Variants in POU6F2 observed in about 807,000 individuals in gnomAD.
POU6F2 encodes the protein POU class 6 homeobox 2.
A neutral mutation model predicts 71.3 loss-of-function variants in POU6F2; 31 were observed. The observed-to-expected ratio is 0.43, with a 90% CI of 0.33 to 0.59. POU6F2 has a LOEUF of 0.59. POU6F2 is among the 20% of genes least tolerant of loss of function. The pLI is 0.04. For missense variants in POU6F2, 783 were observed against 856.8 expected (o/e 0.91, Z 1.07); for synonymous variants, 347 against 355.7 (o/e 0.98, Z 0.27).
intron 1 of POU6F2, among the ~76,000 whole-genome samples, chr7:39,057,940 T>C (rs1406278868): frequency 6.6e-6 from 1 of 152,190 alleles, no homozygotes; most frequent in Non-Finnish European, 1.5e-5. Context: ...AGTTCAATAC[T>C]GTCTCCTGCT....
intron 1 of POU6F2, among the ~76,000 whole-genome samples, chr7:39,015,765 AT>A (rs1447455264): frequency 2.3e-5 from 2 of 87,060 alleles, no homozygotes; most frequent in African/African-American, 1.3e-4. Flanking sequence ...ATATAGATAT[AT>A]TATATATATT....
intron 2 of POU6F2, among the ~76,000 whole-genome samples, chr7:39,134,095 C>T (rs537828862): frequency 2.0e-5 from 3 of 152,204 alleles, no homozygotes; most frequent in Admixed American, 2.0e-4. Context: ...AGGCTGGTTT[C>T]AAACTCCTGG....
intron 4 of POU6F2, among the ~76,000 whole-genome samples, chr7:39,232,312 T>C (rs1325084920): frequency 6.6e-6 from 1 of 151,736 alleles, no homozygotes; most frequent in Non-Finnish European, 1.5e-5. Flanking sequence ...AACAAAAGGT[T>C]TTTAGGAAAA....
chr7:39,296,872 G>A (rs1030964432), intron 4 of POU6F2, among the ~76,000 whole-genome samples: 7 of 152,124 alleles, frequency 4.6e-5, no homozygotes, highest in African/African-American at 1.2e-4. Flanking sequence ...ATGAATGAAC[G>A]AATCAATGAA....
intron 1 of POU6F2, among the ~76,000 whole-genome samples, chr7:38,978,682 C>CA (rs1343603447): frequency 1.1e-4 from 17 of 152,162 alleles, no homozygotes; most frequent in African/African-American, 4.1e-4. Flanking sequence ...CTTCCTAATG[C>CA]AATCCAGCAC....
chr7:38,999,952 T>C (rs1302808439), intron 1 of POU6F2, among the ~76,000 whole-genome samples: 1 of 152,230 alleles, frequency 6.6e-6, no homozygotes, highest in Non-Finnish European at 1.5e-5. Context: ...GAAATGTACT[T>C]GCTTTTTTCC....
intron 4 of POU6F2, among the ~76,000 whole-genome samples, chr7:39,306,240 A>G (rs531881331): frequency 1.1e-4 from 17 of 152,382 alleles, no homozygotes; most frequent in East Asian, 5.8e-4. Context: ...AAAAGCAGCT[A>G]TTATGGATGA....
At chr7:39,120,479 C>T (rs1792018943) in intron 2 of POU6F2, among the ~76,000 whole-genome samples, 1 of 152,068 alleles carries the variant, frequency 6.6e-6, no homozygotes, top group Non-Finnish European at 1.5e-5. Context: ...AATATGTCAA[C>T]CTGTTGAGCA....
intron 4 of POU6F2, among the ~76,000 whole-genome samples, chr7:39,226,454 A>G (rs973061339): frequency 1.3e-5 from 2 of 152,210 alleles, no homozygotes; most frequent in Non-Finnish European, 1.5e-5. Context: ...AGAACATCAA[A>G]TGCTCACAAA....
intron 1 of POU6F2, among the ~76,000 whole-genome samples, chr7:38,992,006 C>A (rs905278370): frequency 4.6e-5 from 7 of 152,060 alleles, no homozygotes; most frequent in African/African-American, 1.7e-4. Flanking sequence ...TGCTAGAGAC[C>A]ACACAGGTTG....
chr7:39,122,809 G>A (rs1299501588), intron 2 of POU6F2, among the ~76,000 whole-genome samples: 3 of 150,380 alleles, frequency 2.0e-5, no homozygotes, highest in African/African-American at 2.5e-5. Context: ...CCAGGTTCAA[G>A]TGATTCTCCT....
intron 4 of POU6F2, among the ~76,000 whole-genome samples, chr7:39,229,924 C>T (rs1382215979): frequency 1.3e-5 from 2 of 152,214 alleles, no homozygotes; most frequent in African/African-American, 4.8e-5. Context: ...ATTCTGAGCA[C>T]TCTCAAAACT....
At chr7:39,131,271 A>T (rs1792272475) in intron 2 of POU6F2, among the ~76,000 whole-genome samples, 1 of 152,130 alleles carries the variant, frequency 6.6e-6, no homozygotes, top group African/African-American at 2.4e-5. Context: ...ACCAGCTGCC[A>T]CAATTGCCAA....
chr7:39,385,706 A>G (rs1201098288), intron 5 of POU6F2, among the ~76,000 whole-genome samples: 3 of 152,148 alleles, frequency 2.0e-5, no homozygotes, highest in Admixed American at 6.5e-5. Context: ...TCAATGGAGA[A>G]GTGTTGCTCC....
In POU6F2 at chr7:39,460,975, G is replaced by A. The variant is rs1288462076; in HGVS notation, c.1658+260G>A. On this transcript the variant is annotated intron_variant, in intron 9 of 9. Coordinates refer to ENST00000518318, the MANE Select transcript of POU6F2 (RefSeq NM_001370959.1). The surrounding 1 kb of genome is among the most constrained non-coding windows in gnomAD (Gnocchi z 4.4). ...TCTCATTGGAAATACACTACCCCAG[G>A]GTCAGGGGCCTTCCTCCTGGGCCCA... Among the ~76,000 whole-genome samples the A allele has an allele frequency of 2.0e-5, 3 of 152,080 alleles. No individual in the cohort carries two copies. The highest frequency in any genetic ancestry group is 2.9e-5 in the Non-Finnish European group (2 of 68,026).
At chr7:39,375,260 G>A (rs945257588) in intron 5 of POU6F2, among the ~76,000 whole-genome samples, 14 of 152,154 alleles carry the variant, frequency 9.2e-5, no homozygotes, top group African/African-American at 3.4e-4. Context: ...GACCACAAGT[G>A]TATTGAGAAA....
At chr7:39,320,261 C>T (rs1489147883) in intron 4 of POU6F2, among the ~76,000 whole-genome samples, 1 of 152,160 alleles carries the variant, frequency 6.6e-6, no homozygotes, top group Non-Finnish European at 1.5e-5. Flanking sequence ...CGTCAGAAGA[C>T]CTACCTCTCC....
intron 4 of POU6F2, among the ~76,000 whole-genome samples, chr7:39,277,427 C>T (rs998300695): frequency 3.9e-5 from 6 of 152,048 alleles, no homozygotes; most frequent in African/African-American, 1.4e-4. Context: ...TTTGGAGTCC[C>T]CAGCATCTAT....
intron 1 of POU6F2, chr7:39,034,354 T>C (rs1270916152): frequency 9.2e-6 from 2 of 216,474 alleles, no homozygotes; most frequent in East Asian, 1.2e-4. Context: ...AGGAGGAGAG[T>C]GTGTATGTGT....
Sources: gnomAD v4.1 joint callset for allele counts (sites outside exome capture counted in the v4.1 genomes callset) on GRCh38, gnomAD v4.1.1 for gene constraint, Gnocchi (gnomAD v3.1) non-coding constraint, MANE v1.5 for transcripts, NCBI Gene and HGNC (gene_info 2026-07-23, HGNC 2026-07-21) for gene names.